The following DENND1B variants were observed in gnomAD, a reference collection of about 807,000 sequenced individuals.
DENND1B encodes the protein DENN domain-containing protein 1B.
In DENND1B, 59 loss-of-function variants were observed where a neutral mutation model predicts 90.1. The ratio of observed to expected loss-of-function variants is 0.65; its 90% CI spans 0.53 to 0.81. The LOEUF is 0.81. DENND1B is among the 40% of genes least tolerant of loss of function. The pLI is 0.00. For synonymous variants in DENND1B, 337 were observed against 324.6 expected, an observed-to-expected ratio of 1.04 and a Z score of -0.41; for missense variants, 862 against 912.6, an observed-to-expected ratio of 0.94 and a Z score of 0.71.
chr1:197,629,674 TA>T (rs1430664391), intron 10 of DENND1B, among the ~76,000 whole-genome samples: 5 of 151,656 alleles, frequency 3.3e-5, no homozygotes, highest in African/African-American at 1.2e-4. Context: ...ACTTAAAGTA[TA>T]ATAATAATAA....
chr1:197,648,871 T>C (rs968794618), intron 7 of DENND1B, among the ~76,000 whole-genome samples: 4 of 152,226 alleles, frequency 2.6e-5, no homozygotes, highest in African/African-American at 9.6e-5. Flanking sequence ...TTTAAATAGC[T>C]ACAATGATGT....
At chr1:197,538,894 G>T (rs1438714908) in intron 20 of DENND1B, among the ~76,000 whole-genome samples, 2 of 151,886 alleles carry the variant, frequency 1.3e-5, no homozygotes, top group Non-Finnish European at 2.9e-5. Flanking sequence ...GGTGAGTTTG[G>T]CCCCCTCATC....
chr1:197,657,375 G>A (rs910259170), intron 6 of DENND1B, among the ~76,000 whole-genome samples: 1 of 152,052 alleles, frequency 6.6e-6, no homozygotes, highest in African/African-American at 2.4e-5. Flanking sequence ...GGTTGACTTA[G>A]GTGATGCTTG....
chr1:197,553,757 C>A (rs1452205409), intron 15 of DENND1B, among the ~76,000 whole-genome samples: 3 of 152,110 alleles, frequency 2.0e-5, no homozygotes, highest in African/African-American at 7.2e-5. Context: ...TCCTGGCATA[C>A]ATTCTCACTG....
Sources: gnomAD v4.1 joint callset for allele counts (sites outside exome capture counted in the v4.1 genomes callset) on GRCh38, gnomAD v4.1.1 for gene constraint, MANE v1.5 for transcripts, NCBI Gene and HGNC (gene_info 2026-07-23, HGNC 2026-07-21) for gene names.